VPS8: variants seen among roughly 807,000 people sequenced by gnomAD.
VPS8 encodes VPS8 subunit of CORVET complex, also known as vacuolar protein sorting-associated protein 8 homolog.
Under a neutral mutation model 216.4 loss-of-function variants are expected in VPS8, and 129 were observed. The ratio of observed to expected loss-of-function variants is 0.60; its 90% CI spans 0.52 to 0.69. VPS8 has a LOEUF of 0.69. VPS8 is among the 30% of genes least tolerant of loss of function. The probability of loss-of-function intolerance (pLI) is 0.00; values close to 1 mark genes in which losing one functional copy is unlikely to be tolerated. For missense variants in VPS8, 1,531 were observed against 1,683.5 expected, an observed-to-expected ratio of 0.91 and a Z score of 1.59; for synonymous variants, 571 against 565.4, an observed-to-expected ratio of 1.01 and a Z score of -0.14.
chr3:185,003,694 C>T (rs1452416102), intron 45 of VPS8, among the ~76,000 whole-genome samples: 3 of 152,228 alleles, frequency 2.0e-5, no homozygotes, highest in Non-Finnish European at 2.9e-5. Context: ...GTGTGGTGGC[C>T]GGGCAGAGTG....
intron 35 of VPS8, 27 bp downstream of exon 35, chr3:184,936,362 A>G (rs746778694): frequency 7.1e-6 from 11 of 1,555,198 alleles, no homozygotes; most frequent in Non-Finnish European, 8.8e-6. Context: ...TATATTGGGG[A>G]AAAATATCTA....
At chr3:184,832,565 G>A in intron 3 of VPS8, 124 bp from the exon 4 acceptor site, 1 of 749,188 alleles carries the variant, frequency 1.3e-6, no homozygotes, top group African/African-American at 1.8e-5. Context: ...CAATAAGAAT[G>A]CATGGAATAG....
intron 10 of VPS8, 98 bp from the exon 11 acceptor site, chr3:184,852,402 A>G (rs1724465670): frequency 6.3e-6 from 6 of 954,302 alleles, no homozygotes; most frequent in Non-Finnish European, 9.5e-6. Flanking sequence ...AAGCTATTAA[A>G]TGTGTATATT....
chr3:184,819,974 C>T (rs891284690), intron 1 of VPS8, among the ~76,000 whole-genome samples: 9 of 152,102 alleles, frequency 5.9e-5, no homozygotes, highest in African/African-American at 2.2e-4. Flanking sequence ...AGGCCTTCAT[C>T]CTTGTCTGAA....
chr3:184,927,567 C>CT (rs1739884630), intron 31 of VPS8, among the ~76,000 whole-genome samples: 1 of 151,942 alleles, frequency 6.6e-6, no homozygotes, highest in South Asian at 2.1e-4. Context: ...TTTTTGTTTG[C>CT]TTTTTATTGT....
At chr3:185,032,471 G>T (rs1208200503) in intron 46 of VPS8, among the ~76,000 whole-genome samples, 1 of 152,136 alleles carries the variant, frequency 6.6e-6, no homozygotes, top group Non-Finnish European at 1.5e-5. Context: ...GGAGGGAATG[G>T]ACAGTTGATC....
At chr3:184,930,195 C>T (rs754196280) in intron 33 of VPS8, among the ~76,000 whole-genome samples, 12 of 152,078 alleles carry the variant, frequency 7.9e-5, no homozygotes, top group Non-Finnish European at 1.6e-4. Flanking sequence ...ACAATGGGAT[C>T]CCCAAAAGCC....
At chr3:184,855,684 ATT>A in intron 13 of VPS8, 25 bp from the exon 14 acceptor site, 2 of 1,454,202 alleles carry the variant, frequency 1.4e-6, no homozygotes, top group Admixed American at 1.8e-5. Flanking sequence ...AACTGTGATG[ATT>A]TTTTTTTTCC....
intron 23 of VPS8, among the ~76,000 whole-genome samples, chr3:184,895,587 TG>T (rs1733235821): frequency 1.4e-5 from 1 of 71,560 alleles, no homozygotes; most frequent in Admixed American, 1.6e-4. Context: ...TTCCTCCTCC[TG>T]CTCCTCCTCC....
At chr3:185,027,935 A>G (rs1247339490) in intron 46 of VPS8, among the ~76,000 whole-genome samples, 2 of 152,336 alleles carry the variant, frequency 1.3e-5, no homozygotes, top group East Asian at 3.9e-4. Flanking sequence ...TATTCAATAT[A>G]CATATCTCAA....
chr3:184,937,987 A>G (rs1208937610), intron 35 of VPS8, among the ~76,000 whole-genome samples: 6 of 152,254 alleles, frequency 3.9e-5, no homozygotes, highest in Admixed American at 3.9e-4. Context: ...GCTAAAGAGC[A>G]GTATCATTAG....
chr3:184,982,527 A>G, intron 40 of VPS8, 39 bp from the exon 41 acceptor site: 1 of 1,478,800 alleles, frequency 6.8e-7, no homozygotes, highest in Non-Finnish European at 9.4e-7. Flanking sequence ...GTTTTCTTTG[A>G]CCACTTTTCT....
intron 36 of VPS8, among the ~76,000 whole-genome samples, chr3:184,942,202 A>G (rs758106020): frequency 9.2e-5 from 14 of 152,216 alleles, no homozygotes; most frequent in Non-Finnish European, 1.9e-4. Flanking sequence ...TCTTCAATGG[A>G]CAGTCTTGCT....
intron 47 of VPS8, among the ~76,000 whole-genome samples, chr3:185,051,659 C>T (rs1714269429): frequency 6.6e-6 from 1 of 152,168 alleles, no homozygotes; most frequent in African/African-American, 2.4e-5. Flanking sequence ...AGTCCAGTCT[C>T]ATTATTGAAT....
intron 28 of VPS8, chr3:184,919,009 T>G (rs555515110): frequency 6.6e-6 from 1 of 152,302 alleles, no homozygotes; most frequent in South Asian, 2.1e-4. Context: ...TACCTGGCAG[T>G]AAAGCAGACT....
chr3:184,870,746 C>T lies in VPS8; in HGVS notation c.1675C>T (p.Arg559Ter), dbSNP rs1468155803. Residue 559 changes from arginine to a stop codon, truncating the protein, a stop_gained, in exon 21 of 48, where the codon CGA becomes TGA. Coordinates refer to ENST00000625842, the MANE Select transcript of VPS8 (RefSeq NM_001009921.3). LOFTEE classifies it high-confidence loss of function. ...AGAAATCCTATTCCATTATGCAGAT[C>T]GAGCTCTGAAAAAGTGCCCAGACCA... is the stretch of plus-strand genomic sequence containing the variant. ...MVEILFHYADRALKKCPDQGK... is the reference protein window; with the variant it reads ...MVEILFHYAD 1.9e-6 allele frequency: 3 copies of T among 1,612,340 alleles called. No individual in the cohort carries two copies. The highest frequency in any genetic ancestry group is 2.2e-5 in the East Asian group (1 of 44,792).
intron 45 of VPS8, among the ~76,000 whole-genome samples, chr3:185,017,025 A>G (rs537535702): frequency 2.6e-3 from 388 of 152,068 alleles, no homozygotes; most frequent in Non-Finnish European, 4.2e-3. Context: ...TCTCATACCA[A>G]GGACATACCC....
chr3:184,830,048 G>A (rs564539469), intron 3 of VPS8, among the ~76,000 whole-genome samples: 1 of 152,252 alleles, frequency 6.6e-6, no homozygotes, highest in African/African-American at 2.4e-5. Context: ...GTGCGTGTGT[G>A]TGTCCTATTT....
intron 3 of VPS8, 149 bp downstream of exon 3, chr3:184,826,380 T>G: frequency 2.0e-6 from 1 of 504,386 alleles, no homozygotes; most frequent in Non-Finnish European, 3.3e-6. Flanking sequence ...AAATTAATTA[T>G]AATCAAATAA....
Sources: gnomAD v4.1 joint callset for allele counts (sites outside exome capture counted in the v4.1 genomes callset) on GRCh38, gnomAD v4.1.1 for gene constraint, MANE v1.5 for transcripts, NCBI Gene and HGNC (gene_info 2026-07-23, HGNC 2026-07-21) for gene names.